DLGAP2: variants seen among roughly 807,000 people sequenced by gnomAD.
DLGAP2 encodes disks large-associated protein 2.
DLGAP2 carries 26 observed loss-of-function variants against 100.3 expected under a neutral mutation model. The ratio of observed to expected loss-of-function variants is 0.26; its 90% CI spans 0.19 to 0.36. DLGAP2 has a LOEUF of 0.36. DLGAP2 is among the 10% of genes least tolerant of loss of function. DLGAP2 has a pLI of 1.00. For synonymous variants in DLGAP2, 886 were observed against 630.1 expected (o/e 1.41, Z -6.08); for missense variants, 1,858 against 1,453.2 (o/e 1.28, Z -4.53).
At chr8:1,428,009 G>T (rs1166525919) in intron 3 of DLGAP2, among the ~76,000 whole-genome samples, 1 of 151,772 alleles carries the variant, frequency 6.6e-6, no homozygotes, top group Non-Finnish European at 1.5e-5. Flanking sequence ...AACCTTAAAA[G>T]TTCATACATG....
chr8:1,382,553 C>T (rs192255373), intron 3 of DLGAP2, among the ~76,000 whole-genome samples: 1 of 152,152 alleles, frequency 6.6e-6, no homozygotes, highest in African/African-American at 2.4e-5. Context: ...CTGGGCAACA[C>T]AGTGAGACCC....
intron 2 of DLGAP2, among the ~76,000 whole-genome samples, chr8:1,242,829 T>C (rs9644307): frequency 0.72 from 109,126 of 151,632 alleles, 39,353 homozygotes; most frequent in Middle Eastern, 0.88. Context: ...GATGGACCGA[T>C]GGATAGATGG....
chr8:1,427,174 C>T (rs1333472235), intron 3 of DLGAP2, among the ~76,000 whole-genome samples: 1 of 152,084 alleles, frequency 6.6e-6, no homozygotes, highest in Non-Finnish European at 1.5e-5. Flanking sequence ...TTACAACTAG[C>T]ATTAAATTTC....
chr8:1,240,135 A>AT (rs1396081545), intron 2 of DLGAP2, among the ~76,000 whole-genome samples: 2 of 137,388 alleles, frequency 1.5e-5, no homozygotes, highest in Non-Finnish European at 3.1e-5. Context: ...ACATGGTGCC[A>AT]TGTGTAGTTC....
intron 7 of DLGAP2, among the ~76,000 whole-genome samples, chr8:1,629,792 T>A (rs1372598561): frequency 6.6e-6 from 1 of 152,354 alleles, no homozygotes; most frequent in South Asian, 2.1e-4. Flanking sequence ...CACAAACAAC[T>A]TTCAATTAAA....
Position 1,609,476 on chromosome 8 carries a change from C to T in DLGAP2, c.1443-17264C>T, listed in dbSNP as rs940591908. ...GACCATCGAGACTAGGAAGAAACTGCATCAACTAACGAGCAAAATCACCAG... is the reference window on the plus strand; with the variant it reads ...GACCATCGAGACTAGGAAGAAACTGTATCAACTAACGAGCAAAATCACCAG... On this transcript the variant is annotated intron_variant, in intron 6 of 14. Transcript: ENST00000637795. 2.9e-5 allele frequency among the ~76,000 whole-genome samples: 4 copies of T among 137,040 alleles called. 1 individual carries two copies. The highest frequency in any genetic ancestry group is 1.0e-4 in the African/African-American group (4 of 39,202). The allele number at this position is 137,040 out of a possible 152,430, so 89.9% of individuals were successfully genotyped here.
intron 2 of DLGAP2, among the ~76,000 whole-genome samples, chr8:1,256,959 C>T (rs1334849549): frequency 1.3e-5 from 2 of 152,100 alleles, no homozygotes; most frequent in Admixed American, 1.3e-4. Context: ...ATTCCTTTCA[C>T]ACAGAGCAGT....
chr8:997,056 A>G (rs1395476756), intron 2 of DLGAP2, among the ~76,000 whole-genome samples: 2 of 152,232 alleles, frequency 1.3e-5, no homozygotes, highest in African/African-American at 4.8e-5. Flanking sequence ...AGAATAGAGA[A>G]AGTATAATAT....
chr8:1,332,424 A>G (rs75819892), intron 3 of DLGAP2, among the ~76,000 whole-genome samples: 1,519 of 151,770 alleles, frequency 0.01, 38 homozygotes, highest in East Asian at 0.083. Flanking sequence ...TGCGTGTGTC[A>G]GTGTATATAT....
At chr8:1,532,942 G>A (rs952491245) in intron 4 of DLGAP2, among the ~76,000 whole-genome samples, 1 of 152,006 alleles carries the variant, frequency 6.6e-6, no homozygotes, top group African/African-American at 2.4e-5. Flanking sequence ...TATGCCCCAC[G>A]GTGAAATCAC....
chr8:1,449,873 G>A (rs1392596541), intron 3 of DLGAP2, among the ~76,000 whole-genome samples: 4 of 148,464 alleles, frequency 2.7e-5, no homozygotes, highest in African/African-American at 9.9e-5. Context: ...CGAGGTGGGC[G>A]GCCTCGGTGG....
chr8:1,505,916 A>G (rs1799896634), intron 4 of DLGAP2, among the ~76,000 whole-genome samples: 1 of 152,248 alleles, frequency 6.6e-6, no homozygotes, highest in African/African-American at 2.4e-5. Flanking sequence ...TTGCATTGAT[A>G]AATGAATGCA....
At chr8:806,872 G>A (rs1796280544) in intron 1 of DLGAP2, among the ~76,000 whole-genome samples, 2 of 152,198 alleles carry the variant, frequency 1.3e-5, no homozygotes, top group South Asian at 4.1e-4. Flanking sequence ...CGATACAAAT[G>A]ACTGGGACCC....
At chr8:1,507,061 AG>A (rs1017892280) in intron 4 of DLGAP2, among the ~76,000 whole-genome samples, 3 of 152,238 alleles carry the variant, frequency 2.0e-5, no homozygotes, top group Non-Finnish European at 4.4e-5. Flanking sequence ...TACACATAAA[AG>A]TTCTCCAAGT....
At chr8:1,369,087 G>A (rs910399881) in intron 3 of DLGAP2, 1 of 152,134 alleles carries the variant, frequency 6.6e-6, no homozygotes. Context: ...TTACAGCACA[G>A]CAGAGAATGC....
intron 2 of DLGAP2, among the ~76,000 whole-genome samples, chr8:919,593 G>C (rs1798666669): frequency 6.6e-6 from 1 of 152,230 alleles, no homozygotes; most frequent in Non-Finnish European, 1.5e-5. Context: ...GGGGTCCTGA[G>C]AATAGGAGAG....
chr8:1,220,728 G>A (rs769927723), intron 2 of DLGAP2, among the ~76,000 whole-genome samples: 1 of 152,170 alleles, frequency 6.6e-6, no homozygotes, highest in African/African-American at 2.4e-5. Flanking sequence ...TTACTGTGTG[G>A]TTATCAAAGT....
Position 1,045,406 on chromosome 8 carries a change from A to G in DLGAP2, c.73+137440A>G, listed in dbSNP as rs1802487970. Among the ~76,000 whole-genome samples the G allele has an allele frequency of 2.0e-5, 3 of 152,248 alleles. No homozygotes were observed. In the South Asian group the frequency reaches 6.2e-4, roughly 32 times the overall value. On this transcript the variant is annotated intron_variant, in intron 2 of 14. Coordinates refer to ENST00000637795, the MANE Select transcript of DLGAP2 (RefSeq NM_001346810.2). ...TACAAATTGTATATGTCTATGGTAT[A>G]CAACCTGTTGTTTTGAAAGACGTAA...
chr8:1,575,066 C>G (rs1213031018), intron 6 of DLGAP2, among the ~76,000 whole-genome samples: 2 of 152,136 alleles, frequency 1.3e-5, no homozygotes, highest in Non-Finnish European at 2.9e-5. Flanking sequence ...TAATAACGCA[C>G]AACAAGAGAC....
Sources: gnomAD v4.1 joint callset for allele counts (sites outside exome capture counted in the v4.1 genomes callset) on GRCh38, gnomAD v4.1.1 for gene constraint, MANE v1.5 for transcripts, NCBI Gene and HGNC (gene_info 2026-07-23, HGNC 2026-07-21) for gene names.